Variants in GSG1L observed in about 807,000 individuals in gnomAD.
GSG1L encodes GSG1 like.
In GSG1L, 24 loss-of-function variants were observed where a neutral mutation model predicts 42.1. The observed-to-expected ratio is 0.57, with a 90% CI of 0.41 to 0.80. GSG1L has a LOEUF of 0.80. Among genes scored for constraint, GSG1L ranks in the 30% least tolerant of loss-of-function variants. The pLI, the probability that GSG1L is intolerant of heterozygous loss-of-function variation, is 0.00. For missense variants in GSG1L, 445 were observed against 472.2 expected (o/e 0.94, Z 0.53); for synonymous variants, 215 against 203.5 (o/e 1.06, Z -0.48).
chr16:27,814,380 G>T (rs1378882446), intron 5 of GSG1L, among the ~76,000 whole-genome samples: 2 of 152,142 alleles, frequency 1.3e-5, no homozygotes, highest in Admixed American at 1.3e-4. Flanking sequence ...CCAAAAAGCT[G>T]GGATTACAGG....
intron 4 of GSG1L, 35 bp from the exon 5 acceptor site, chr16:27,828,991 G>C (rs764029237): frequency 6.2e-7 from 1 of 1,603,502 alleles, no homozygotes; most frequent in African/African-American, 1.3e-5. Flanking sequence ...GCCATCGTGA[G>C]GGTGGGCAAG....
intron 1 of GSG1L, among the ~76,000 whole-genome samples, chr16:28,011,687 G>A (rs1232986919): frequency 1.3e-5 from 2 of 152,282 alleles, no homozygotes; most frequent in Admixed American, 6.5e-5. Context: ...CACGGCCATC[G>A]AGGACCATGT....
intron 2 of GSG1L, among the ~76,000 whole-genome samples, chr16:27,941,488 T>C (rs931425367): frequency 1.4e-5 from 2 of 144,902 alleles, no homozygotes; most frequent in African/African-American, 5.2e-5. Context: ...CTGGCCAACA[T>C]GGCTAAACCC....
chr16:28,034,082 C>T (rs1470426123), intron 1 of GSG1L, among the ~76,000 whole-genome samples: 1 of 151,988 alleles, frequency 6.6e-6, no homozygotes, highest in Non-Finnish European at 1.5e-5. Flanking sequence ...CCTATTCCAT[C>T]CTGTCCCAAC....
At chr16:27,960,049 G>A (rs1049337983) in intron 2 of GSG1L, among the ~76,000 whole-genome samples, 3 of 151,974 alleles carry the variant, frequency 2.0e-5, no homozygotes, top group Admixed American at 6.6e-5. Context: ...GGGACAAGAG[G>A]GTATTGGAGA....
intron 2 of GSG1L, chr16:27,888,132 T>G (rs1292435562): frequency 1.0e-6 from 1 of 985,470 alleles, no homozygotes; most frequent in Non-Finnish European, 1.2e-6. Context: ...CCCCTCATCA[T>G]GGCGCTGCTC....
chr16:27,806,979 A>C (rs189730141), intron 6 of GSG1L, among the ~76,000 whole-genome samples: 42 of 152,234 alleles, frequency 2.8e-4, no homozygotes, highest in Admixed American at 2.1e-3. Context: ...TTTAACTTTA[A>C]TCTTACTTTG....
chr16:28,009,032 A>C (rs531100548), intron 1 of GSG1L, among the ~76,000 whole-genome samples: 3 of 152,074 alleles, frequency 2.0e-5, no homozygotes, highest in Non-Finnish European at 2.9e-5. Flanking sequence ...TGGTCTTGAA[A>C]TCCTGACCTC....
chr16:27,815,537 A>G (rs192255951), intron 5 of GSG1L, among the ~76,000 whole-genome samples: 4 of 152,192 alleles, frequency 2.6e-5, no homozygotes, highest in African/African-American at 9.6e-5. Context: ...ATAAATCTAA[A>G]TAAGGTCCTT....
chr16:27,903,659 G>A (rs1442622889), intron 2 of GSG1L, among the ~76,000 whole-genome samples: 1 of 152,182 alleles, frequency 6.6e-6, no homozygotes, highest in East Asian at 1.9e-4. Context: ...GCCCTGGAGG[G>A]AGAGTGGCCT....
At chr16:27,869,240 C>T (rs1022577430) in intron 3 of GSG1L, among the ~76,000 whole-genome samples, 2 of 151,446 alleles carry the variant, frequency 1.3e-5, no homozygotes, top group East Asian at 1.9e-4. Flanking sequence ...GTGGAGAGAA[C>T]AGAAGAAGGA....
At chr16:28,029,591 G>A (rs1486453927) in intron 1 of GSG1L, among the ~76,000 whole-genome samples, 1 of 152,138 alleles carries the variant, frequency 6.6e-6, no homozygotes, top group African/African-American at 2.4e-5. Context: ...ATGCATGGGT[G>A]GATGGATGGA....
chr16:28,023,538 T>C (rs967008151), intron 1 of GSG1L, among the ~76,000 whole-genome samples: 2 of 152,232 alleles, frequency 1.3e-5, no homozygotes, highest in Non-Finnish European at 2.9e-5. Context: ...TTGTTGTCCA[T>C]TGTGGTCGGG....
At chr16:27,797,550 C>A (rs2082832669) in intron 6 of GSG1L, among the ~76,000 whole-genome samples, 1 of 139,922 alleles carries the variant, frequency 7.1e-6, no homozygotes, top group African/African-American at 2.7e-5. Context: ...GGGCCGGGCG[C>A]GGTGGCTCAC....
intron 2 of GSG1L, among the ~76,000 whole-genome samples, chr16:27,903,346 T>C (rs1353842931): frequency 1.3e-5 from 2 of 152,000 alleles, no homozygotes; most frequent in African/African-American, 4.8e-5. Flanking sequence ...GGGCCTGGTG[T>C]CAGTGCTGCC....
At chr16:27,860,430 A>G (rs2083633621) in intron 3 of GSG1L, among the ~76,000 whole-genome samples, 1 of 152,212 alleles carries the variant, frequency 6.6e-6, no homozygotes, top group Admixed American at 6.5e-5. Flanking sequence ...CCCCTGCAAT[A>G]TCACATGGGC....
chr16:27,922,049 G>T (rs78165353), intron 2 of GSG1L, among the ~76,000 whole-genome samples: 6,751 of 144,458 alleles, frequency 0.047, 170 homozygotes, highest in Middle Eastern at 0.094. Context: ...TTCAGTGCTG[G>T]TGATCAGAAC....
At chr16:27,981,366 A>T (rs1379074492) in intron 1 of GSG1L, among the ~76,000 whole-genome samples, 2 of 152,212 alleles carry the variant, frequency 1.3e-5, no homozygotes, top group Admixed American at 1.3e-4. Flanking sequence ...AATGATTTTA[A>T]CTGGTTGGCA....
intron 3 of GSG1L, among the ~76,000 whole-genome samples, chr16:27,857,879 T>A (rs2083599973): frequency 6.9e-6 from 1 of 145,574 alleles, no homozygotes; most frequent in Non-Finnish European, 1.5e-5. Context: ...CCCCCTCTCC[T>A]CCTGTTTTGC....
Sources: allele counts gnomAD v4.1 joint callset (sites outside exome capture counted in the v4.1 genomes callset), GRCh38; gene constraint gnomAD v4.1.1; transcripts MANE v1.5; gene names NCBI Gene and HGNC (gene_info 2026-07-23, HGNC 2026-07-21).